The following ARID2 variants were observed in gnomAD, a reference collection of about 807,000 sequenced individuals.
The protein encoded by ARID2 is AT-rich interaction domain 2.
In ARID2, 32 loss-of-function variants were observed where a neutral mutation model predicts 184.6. That is an observed-to-expected ratio of 0.17 (90% CI 0.13 to 0.23). The LOEUF (loss-of-function observed/expected upper bound fraction) is 0.23, where lower values mean the gene tolerates loss of function less well. ARID2 is among the 10% of genes least tolerant of loss of function. The pLI, the probability that ARID2 is intolerant of heterozygous loss-of-function variation, is 1.00. For missense variants in ARID2, 1,696 were observed against 2,197.6 expected (o/e 0.77, Z 4.56); for synonymous variants, 836 against 772.6 (o/e 1.08, Z -1.36).
chr12:45,873,113 T>G (rs1396854289), intron 16 of ARID2, among the ~76,000 whole-genome samples: 1 of 152,236 alleles, frequency 6.6e-6, no homozygotes, highest in African/African-American at 2.4e-5. Context: ...TAGGTTTTCT[T>G]TATCATTATG....
chr12:45,760,024 A>G (rs1191979902), intron 3 of ARID2, among the ~76,000 whole-genome samples: 1 of 152,220 alleles, frequency 6.6e-6, no homozygotes, highest in East Asian at 1.9e-4. Flanking sequence ...TAGATTTTAC[A>G]TACTTTGACA....
At chr12:45,777,466 G>A (rs990628386) in intron 3 of ARID2, among the ~76,000 whole-genome samples, 2 of 152,062 alleles carry the variant, frequency 1.3e-5, no homozygotes, top group East Asian at 3.8e-4. Flanking sequence ...GTACAGAGCT[G>A]TGCTATTATC....
chr12:45,836,286 T>C (rs1943219373), intron 6 of ARID2, among the ~76,000 whole-genome samples: 1 of 152,226 alleles, frequency 6.6e-6, no homozygotes, highest in Admixed American at 6.5e-5. Context: ...CACAGCTCCC[T>C]GCAGCCTTCA....
intron 16 of ARID2, among the ~76,000 whole-genome samples, chr12:45,872,305 A>G (rs1943939733): frequency 6.6e-6 from 1 of 152,182 alleles, no homozygotes; most frequent in South Asian, 2.1e-4. Context: ...TCCAGAAATT[A>G]TGATTATGTT....
chr12:45,790,269 A>G (rs760840126), intron 3 of ARID2, among the ~76,000 whole-genome samples: 1 of 152,120 alleles, frequency 6.6e-6, no homozygotes, highest in Non-Finnish European at 1.5e-5. Flanking sequence ...TTAGTTTTTT[A>G]TAGAATCAAA....
intron 1 of ARID2, 52 bp downstream of exon 1, chr12:45,729,980 C>G: frequency 6.2e-7 from 1 of 1,605,790 alleles, no homozygotes; most frequent in Non-Finnish European, 8.5e-7. Context: ...GCGAACGGGG[C>G]TCTCCCGCCC....
chr12:45,899,659 ATATATATATGGTTATATATGGT>A lies in ARID2; in HGVS notation c.5364-5265_5364-5244del, dbSNP rs1258714901. 8.6e-3 allele frequency among the ~76,000 whole-genome samples: 368 copies of A among 42,962 alleles called. 2 individuals carry two copies. The highest frequency in any genetic ancestry group is 0.012 in the Admixed American group (48 of 3,952). 28.2% of individuals were successfully genotyped at this position (42,962 alleles called of 152,430 possible). A position where few individuals can be genotyped will look rare whatever the true frequency, so the allele number is the denominator to read the frequency against. ...TATATATATATATATTTGGTTATAT[ATATATATATGGTTATATATGGT>A]TATATATATATGGTTATATATATAT... is the stretch of plus-strand genomic sequence containing the variant. On this transcript the variant is annotated intron_variant, in intron 20 of 20. Coordinates refer to ENST00000334344, the MANE Select transcript of ARID2 (RefSeq NM_152641.4).
chr12:45,807,328 A>G (rs934134380), intron 3 of ARID2, among the ~76,000 whole-genome samples: 1 of 151,838 alleles, frequency 6.6e-6, no homozygotes, highest in African/African-American at 2.4e-5. Context: ...TACAGAGTTA[A>G]TTTTTTTTCC....
At chr12:45,757,406 A>T (rs910006483) in intron 3 of ARID2, among the ~76,000 whole-genome samples, 1 of 152,192 alleles carries the variant, frequency 6.6e-6, no homozygotes, top group African/African-American at 2.4e-5. Context: ...TAGCATACGT[A>T]TCACTCACAG....
chr12:45,782,367 C>T (rs1942108915), intron 3 of ARID2, among the ~76,000 whole-genome samples: 1 of 152,154 alleles, frequency 6.6e-6, no homozygotes, highest in African/African-American at 2.4e-5. Context: ...CACGGTGGCT[C>T]ATGCCTGTAA....
At position 45,850,552 on chromosome 12, in the gene ARID2, C is replaced by T. The variant is rs1433339453; in HGVS notation, c.2429C>T (p.Ala810Val). The T allele has an allele frequency of 1.2e-6, 2 of 1,614,092 alleles. No individual in the cohort carries two copies. The highest frequency in any genetic ancestry group is 1.7e-5 in the Admixed American group (1 of 60,004). ...HMFGRVQNIP[A>V]CTSTVSQGQQ... ...TTTGGCAGAGTACAGAACATACCAG[C>T]ATGTACTTCTACAGTTTCACAGGGT... The change falls in exon 15 of 21, where the codon GCA becomes GTA. Residue 810 changes from alanine to valine, a missense_variant. Transcript: ENST00000334344.
chr12:45,821,591 TTA>T (rs1942897902), intron 6 of ARID2, 104 bp downstream of exon 6: 1 of 597,932 alleles, frequency 1.7e-6, no homozygotes, highest in East Asian at 3.3e-5. Flanking sequence ...ACCTATACTT[TTA>T]TCTTTACCTA....
rs1944492226 is a variant in ARID2, at chr12:45,904,169, G to A, written c.5364-765G>A. ...AAGTTTTTAGAAAACAGCTTTTATG[G>A]CTAATGGGGCATTTAGGATATAGTT... is the stretch of plus-strand genomic sequence containing the variant. On this transcript the variant is annotated intron_variant, in intron 20 of 20. Coordinates refer to ENST00000334344, the MANE Select transcript of ARID2 (RefSeq NM_152641.4). 3.3e-5 allele frequency among the ~76,000 whole-genome samples: 5 copies of A among 152,062 alleles called. No individual in the cohort carries two copies. In the South Asian group the frequency reaches 1.0e-3, roughly 32 times the overall value.
In ARID2 at chr12:45,851,860, A is replaced by T. The variant is rs1257089659; in HGVS notation, c.3737A>T (p.Lys1246Met). The change falls in exon 15 of 21, where the codon AAG (lysine) becomes ATG (methionine). Residue 1246 changes from lysine (K) to methionine (M), a missense_variant. Around this residue, in one of 11 missense-constraint regions of ARID2, gnomAD observed 428 missense variants for 409.1 expected, o/e 1.05. Coordinates refer to ENST00000334344, the MANE Select transcript of ARID2 (RefSeq NM_152641.4). Reference protein sequence around the residue: ...PFKGDKIICQKEEEAKEATGL... With the variant: ...PFKGDKIICQMEEEAKEATGL... ...AAAGGTGATAAAATAATTTGCCAAAAGGAGGAGGAAGCAAAGGAAGCAACA... is the reference window on the plus strand; with the variant it reads ...AAAGGTGATAAAATAATTTGCCAAATGGAGGAGGAAGCAAAGGAAGCAACA... The T allele has an allele frequency of 1.2e-6, 2 of 1,614,174 alleles. No homozygotes were observed. The highest frequency in any genetic ancestry group is 2.2e-5 in the South Asian group (2 of 91,090).
At chr12:45,743,035 A>G (rs1300354564) in intron 3 of ARID2, among the ~76,000 whole-genome samples, 3 of 152,106 alleles carry the variant, frequency 2.0e-5, no homozygotes, top group Non-Finnish European at 4.4e-5. Context: ...TTGAGACATT[A>G]CAGCATGTTT....
intron 10 of ARID2, among the ~76,000 whole-genome samples, chr12:45,838,812 G>C (rs769267691): frequency 8.6e-5 from 13 of 151,316 alleles, no homozygotes; most frequent in Non-Finnish European, 2.9e-5. Context: ...TAGATATCCA[G>C]CTCCCACTCC....
chr12:45,847,900 G>T (rs1943473592), intron 12 of ARID2, among the ~76,000 whole-genome samples: 1 of 151,858 alleles, frequency 6.6e-6, no homozygotes, highest in South Asian at 2.1e-4. Context: ...TGGAAATGTT[G>T]TTTGTCTTCT....
At chr12:45,785,566 T>C (rs1403809666) in intron 3 of ARID2, among the ~76,000 whole-genome samples, 1 of 152,184 alleles carries the variant, frequency 6.6e-6, no homozygotes, top group East Asian at 1.9e-4. Context: ...TTACACAAGT[T>C]ACTACAGGTT....
rs766832703 is a variant in ARID2, at chr12:45,852,707, A to T, written c.4584A>T (p.Ala1528=). The T allele has an allele frequency of 1.2e-6, 2 of 1,614,188 alleles. No individual in the cohort carries two copies. The highest frequency in any genetic ancestry group is 1.7e-6 in the Non-Finnish European group (2 of 1,180,008). Residue 1528 remains alanine (A), a synonymous_variant, in exon 15 of 21, where the codon GCA becomes GCT. Transcript: ENST00000334344. The part of the protein sequence containing the change: ...PAEDTDRETV[A]GIPNKVGVRI... ...AGGATACTGATAGGGAAACAGTCGC[A>T]GGAATTCCAAATAAAGTAGGAGTTA...
Sources: gnomAD v4.1 joint callset for allele counts (sites outside exome capture counted in the v4.1 genomes callset) on GRCh38, gnomAD v4.1.1 for gene constraint, gnomAD v4.1.1 regional missense constraint, MANE v1.5 for transcripts, NCBI Gene and HGNC (gene_info 2026-07-23, HGNC 2026-07-21) for gene names.